EEA1: variants seen among roughly 807,000 people sequenced by gnomAD.
EEA1 encodes the protein early endosome antigen 1, 162kD.
A neutral mutation model predicts 209.2 loss-of-function variants in EEA1; 111 were observed. The ratio of observed to expected loss-of-function variants is 0.53; its 90% CI spans 0.45 to 0.62. EEA1 has a LOEUF of 0.62. EEA1 is among the 20% of genes least tolerant of loss of function. EEA1 has a pLI of 0.00. For missense variants in EEA1, 1,343 were observed against 1,530.8 expected (o/e 0.88, Z 2.05); for synonymous variants, 536 against 540.6 (o/e 0.99, Z 0.12).
intron 1 of EEA1, among the ~76,000 whole-genome samples, chr12:92,913,652 T>C (rs1193572421): frequency 1.3e-5 from 2 of 152,144 alleles, no homozygotes; most frequent in Non-Finnish European, 2.9e-5. Context: ...ACTTCCAGGT[T>C]TTTTGTTTGT....
At chr12:92,914,656 G>C (rs1880699455) in intron 1 of EEA1, among the ~76,000 whole-genome samples, 1 of 151,168 alleles carries the variant, frequency 6.6e-6, no homozygotes, top group African/African-American at 2.4e-5. Context: ...ACAAGACCTT[G>C]TCTCTACAAT....
At chr12:92,853,504 T>C (rs967144448) in intron 6 of EEA1, among the ~76,000 whole-genome samples, 4 of 152,304 alleles carry the variant, frequency 2.6e-5, no homozygotes, top group South Asian at 2.1e-4. Context: ...TCTGCTCCTC[T>C]GATAAAATTA....
chr12:92,809,121 G>T lies in EEA1; in HGVS notation c.2235C>A (p.Ser745Arg), dbSNP rs865933765. 1 of 1,596,074 alleles carries T rather than the reference G, an allele frequency of 6.3e-7. No individual in the cohort carries two copies. The highest frequency in any genetic ancestry group is 1.3e-5 in the African/African-American group (1 of 74,270). Residue 745 changes from serine to arginine, a missense_variant, in exon 18 of 29, where the codon AGC becomes AGA. This residue lies in a region of EEA1 where 1,307 missense variants were observed against 1,465.5 expected (regional missense o/e 0.89). Transcript: ENST00000322349. The part of the protein sequence containing the change: ...LEADSLEVKA[S>R]KEQALQDLQQ... ...GTAGATCTTGCAAAGCCTGCTCCTT[G>T]CTTGCTTTAACTTCAAGACTATCAG...
intron 1 of EEA1, 139 bp downstream of exon 1, chr12:92,928,904 G>T: frequency 1.4e-6 from 1 of 714,186 alleles, no homozygotes; most frequent in South Asian, 3.6e-5. Flanking sequence ...CGGGCCGGGC[G>T]ACCGAGGCCT....
intron 5 of EEA1, among the ~76,000 whole-genome samples, chr12:92,855,366 C>T (rs1174181889): frequency 1.3e-5 from 2 of 150,230 alleles, no homozygotes; most frequent in Admixed American, 6.7e-5. Flanking sequence ...GGAGGCGGAG[C>T]TTGCAGTGAG....
At chr12:92,859,397 G>T in intron 3 of EEA1, 1 of 623,722 alleles carries the variant, frequency 1.6e-6, no homozygotes, top group South Asian at 2.0e-5. Context: ...ATCAGTTGTA[G>T]TCACTCTAGT....
At chr12:92,831,807 C>T (rs1258266786) in intron 11 of EEA1, among the ~76,000 whole-genome samples, 9 of 151,520 alleles carry the variant, frequency 5.9e-5, no homozygotes, top group South Asian at 2.1e-4. Flanking sequence ...CCAATTTGGC[C>T]GGGCGCGGTG....
At chr12:92,881,727 A>T (rs541844766) in intron 2 of EEA1, among the ~76,000 whole-genome samples, 19 of 152,350 alleles carry the variant, frequency 1.2e-4, no homozygotes, top group African/African-American at 4.6e-4. Flanking sequence ...ATAAACAATA[A>T]ACAAAGACAT....
At chr12:92,852,612 T>A (rs1256919417) in intron 7 of EEA1, among the ~76,000 whole-genome samples, 1 of 152,132 alleles carries the variant, frequency 6.6e-6, no homozygotes, top group Non-Finnish European at 1.5e-5. Flanking sequence ...CTACATTATT[T>A]ACTTCACTTC....
Position 92,799,013 on chromosome 12 carries a change from T to C in EEA1, c.2846A>G (p.Gln949Arg). 1 of 1,613,572 alleles carries C rather than the reference T, an allele frequency of 6.2e-7. No homozygotes were observed. Among genetic ancestry groups the C allele is most frequent in the Non-Finnish European group, 8.5e-7 (1 of 1,179,778 alleles). ...QLIQAQNTLK[Q>R]NEKEEQQLQG... ...AAGTTGTTGCTCTTCTTTTTCATTT[T>C]GTTTTAAAGTATTCTGGGCCTGTAT... Residue 949 changes from glutamine (Q) to arginine (R), a missense_variant, in exon 21 of 29, where the codon CAA (glutamine) becomes CGA (arginine). Gln to Arg is a conservative substitution (Grantham distance 43). Transcript: ENST00000322349.
chr12:92,922,669 C>G (rs1440487979), intron 1 of EEA1, among the ~76,000 whole-genome samples: 1 of 152,158 alleles, frequency 6.6e-6, no homozygotes, highest in East Asian at 1.9e-4. Context: ...AATCTCTACC[C>G]TGGCGGGGTG....
intron 2 of EEA1, among the ~76,000 whole-genome samples, chr12:92,872,156 C>G (rs1201369176): frequency 6.6e-6 from 1 of 150,724 alleles, no homozygotes; most frequent in Non-Finnish European, 1.5e-5. Flanking sequence ...TCAAGCAATT[C>G]TCCTGCCTCG....
At chr12:92,882,396 C>T (rs886294238) in intron 2 of EEA1, among the ~76,000 whole-genome samples, 2 of 151,882 alleles carry the variant, frequency 1.3e-5, no homozygotes, top group East Asian at 3.9e-4. Context: ...CATGAGTCAC[C>T]GTACCTGGCA....
intron 1 of EEA1, among the ~76,000 whole-genome samples, chr12:92,928,709 A>G (rs1881305719): frequency 1.3e-5 from 2 of 151,620 alleles, no homozygotes; most frequent in African/African-American, 4.8e-5. Context: ...ACGGGCACCA[A>G]CTCTCCATTT....
Position 92,780,322 on chromosome 12 carries a change from T to C in EEA1, c.3426A>G (p.Lys1142=). 2 of 1,604,302 alleles carry C rather than the reference T, an allele frequency of 1.2e-6. No homozygotes were observed. Among genetic ancestry groups the C allele is most frequent in the Middle Eastern group, 1.7e-4 (1 of 6,022 alleles). Residue 1142 remains lysine (K), a synonymous_variant, in exon 24 of 29, where the codon AAA becomes AAG. Transcript: ENST00000322349. ...TGTGGGACTTGAGTTCTTCGTTTAGTTTAGTGATTTCTTTTTCTTGTCTAC... is the reference window on the plus strand; with the variant it reads ...TGTGGGACTTGAGTTCTTCGTTTAGCTTAGTGATTTCTTTTTCTTGTCTAC... ...IKCRQEKEIT[K]LNEELKSHKL...
At chr12:92,813,721 A>AAGC (rs1753892148) in intron 15 of EEA1, among the ~76,000 whole-genome samples, 1 of 152,176 alleles carries the variant, frequency 6.6e-6, no homozygotes, top group Non-Finnish European at 1.5e-5. Context: ...CGAATACGAA[A>AAGC]AGCAAAAAAT....
At chr12:92,859,142 AT>A in intron 3 of EEA1, 1 of 1,438,476 alleles carries the variant, frequency 7.0e-7, no homozygotes, top group Non-Finnish European at 9.7e-7. Context: ...ATAAAGAAGA[AT>A]TTTGATCTCC....
At chr12:92,829,879 TAAAG>T (rs1466073980) in intron 11 of EEA1, among the ~76,000 whole-genome samples, 2 of 151,500 alleles carry the variant, frequency 1.3e-5, no homozygotes, top group East Asian at 1.9e-4. Context: ...CAGAGTCTAT[TAAAG>T]AAAGACATAA....
intron 15 of EEA1, among the ~76,000 whole-genome samples, chr12:92,815,761 A>G (rs1024789251): frequency 1.3e-5 from 2 of 152,198 alleles, no homozygotes; most frequent in Non-Finnish European, 2.9e-5. Flanking sequence ...TTAAAAAATC[A>G]AAGTCAAAAA....
Sources: gnomAD v4.1 joint callset for allele counts (sites outside exome capture counted in the v4.1 genomes callset) on GRCh38, gnomAD v4.1.1 for gene constraint, gnomAD v4.1.1 regional missense constraint, MANE v1.5 for transcripts, NCBI Gene and HGNC (gene_info 2026-07-23, HGNC 2026-07-21) for gene names.